ROR2: variants seen among roughly 807,000 people sequenced by gnomAD.
ROR2 encodes the protein ROR family WNT receptor 2, also known as tyrosine-protein kinase transmembrane receptor ROR2.
ROR2 carries 33 observed loss-of-function variants against 74.9 expected under a neutral mutation model. The observed-to-expected ratio is 0.44, with a 90% CI of 0.33 to 0.59. ROR2 has a LOEUF of 0.59. ROR2 is among the 20% of genes least tolerant of loss of function. The probability of loss-of-function intolerance (pLI) is 0.02; values close to 1 mark genes in which losing one functional copy is unlikely to be tolerated. For missense variants in ROR2, 1,216 were observed against 1,313.8 expected (o/e 0.93, Z 1.15); for synonymous variants, 586 against 558.7 (o/e 1.05, Z -0.69).
rs142528253 is a variant in ROR2, at chr9:91,753,156, C to A, written c.494+2915G>T. ...AATCTTTCAAGGAAATCATGACATT[C>A]TTTAACAAGACATAACATGAAAAAC... On this transcript the variant is annotated intron_variant, in intron 4 of 8. Transcript: ENST00000375708. 2.2e-3 allele frequency among the ~76,000 whole-genome samples: 341 copies of A among 152,212 alleles called. 1 individual carries two copies. The highest frequency in any genetic ancestry group is 7.4e-3 in the African/African-American group (309 of 41,540).
At chr9:91,923,067 A>G (rs1831313765) in intron 1 of ROR2, among the ~76,000 whole-genome samples, 1 of 152,160 alleles carries the variant, frequency 6.6e-6, no homozygotes, top group African/African-American at 2.4e-5. Context: ...GATGTCTGTT[A>G]CCTAAGTAGC....
chr9:91,731,077 G>A lies in ROR2; in HGVS notation c.1016C>T (p.Pro339Leu), dbSNP rs370013388. The change falls in exon 7 of 9, where the codon CCG (proline) becomes CTG (leucine). Residue 339 changes from proline to leucine, a missense_variant. Physicochemically the swap from Pro to Leu is moderately conservative, Grantham distance 98 (BLOSUM62 -3). Coordinates refer to ENST00000375708, the MANE Select transcript of ROR2 (RefSeq NM_004560.4). ...GCTGTGGGGGTGCTGCAGGGCCCACGGCTGGCACTGGTGGCCTGACTTGGT... is the reference window on the plus strand; with the variant it reads ...GCTGTGGGGGTGCTGCAGGGCCCACAGCTGGCACTGGTGGCCTGACTTGGT... ...STTKSGHQCQ[P>L]WALQHPHSHH... is the part of the protein sequence containing the mutation. The A allele has an allele frequency of 1.7e-5, 28 of 1,613,970 alleles. No individual in the cohort carries two copies. The highest frequency in any genetic ancestry group is 2.1e-5 in the Non-Finnish European group (25 of 1,180,038).
intron 5 of ROR2, 81 bp downstream of exon 5, chr9:91,737,310 T>C (rs1825062584): frequency 1.3e-6 from 2 of 1,581,504 alleles, no homozygotes; most frequent in South Asian, 1.1e-5. Context: ...CATTAACTGA[T>C]GAAACACAGT....
intron 2 of ROR2, among the ~76,000 whole-genome samples, chr9:91,763,564 C>A (rs1825977924): frequency 6.6e-6 from 1 of 152,214 alleles, no homozygotes; most frequent in Non-Finnish European, 1.5e-5. Flanking sequence ...TCCTCGTGAG[C>A]TTCCACATCC....
chr9:91,748,717 GA>G (rs1825508608), intron 4 of ROR2, among the ~76,000 whole-genome samples: 1 of 152,170 alleles, frequency 6.6e-6, no homozygotes, highest in African/African-American at 2.4e-5. Context: ...TCGTCATGGA[GA>G]AAATTATAAA....
intron 1 of ROR2, among the ~76,000 whole-genome samples, chr9:91,884,778 T>G (rs1484396316): frequency 6.6e-6 from 1 of 151,444 alleles, no homozygotes; most frequent in African/African-American, 2.4e-5. Flanking sequence ...TTTTTAGTCT[T>G]TTTTTTTTCT....
chr9:91,867,657 T>TGTGTGTGC lies in ROR2; in HGVS notation c.97+82209_97+82210insGCACACAC, dbSNP rs1009231832. On this transcript the variant is annotated intron_variant, in intron 1 of 8. Coordinates refer to ENST00000375708, the MANE Select transcript of ROR2 (RefSeq NM_004560.4). ...CAAGTTCCTGAGACCACCCATGAGCTGTGTGTGTGTGTGTGTGTGTGTGTG... is the reference window on the plus strand; with the variant it reads ...CAAGTTCCTGAGACCACCCATGAGCTGTGTGTGCGTGTGTGTGTGTGTGTGTGTGTGTG... 2.5e-4 allele frequency among the ~76,000 whole-genome samples: 4 copies of TGTGTGTGC among 15,936 alleles called. No individual in the cohort carries two copies. In the African/African-American group the frequency reaches 4.3e-3, roughly 17 times the overall value. 10.5% of individuals were successfully genotyped at this position (15,936 alleles called of 152,430 possible). A position where few individuals can be genotyped will look rare whatever the true frequency, so the allele number is the denominator to read the frequency against.
chr9:91,778,227 G>A (rs142926135), intron 1 of ROR2, among the ~76,000 whole-genome samples: 68 of 152,350 alleles, frequency 4.5e-4, no homozygotes, highest in Middle Eastern at 3.4e-3. Flanking sequence ...CACCACAACG[G>A]ATGTTGCAAT....
intron 1 of ROR2, among the ~76,000 whole-genome samples, chr9:91,886,109 A>G (rs1030039807): frequency 6.6e-6 from 1 of 152,024 alleles, no homozygotes; most frequent in South Asian, 2.1e-4. Context: ...TCCTGACCTC[A>G]ACTGATCCAC....
rs750442188 is a variant in ROR2, at chr9:91,723,925, G to A, written c.2569C>T (p.Pro857Ser). Residue 857 changes from proline (P) to serine (S), a missense_variant, in exon 9 of 9, where the codon CCC becomes TCC. Physicochemically the swap from Pro to Ser is moderately conservative, Grantham distance 74. Coordinates refer to ENST00000375708, the MANE Select transcript of ROR2 (RefSeq NM_004560.4). ...CCACTGTGGTGTGAGCTGGGCTTGG[G>A]GACCATCTGAGGAGGCACCTGCTGC... Reference protein sequence around the residue: ...APQQVPPQMVPKPSSHHSGSG... With the variant: ...APQQVPPQMVSKPSSHHSGSG... 1 of 1,613,814 alleles carries A rather than the reference G, an allele frequency of 6.2e-7. No homozygotes were observed. The highest frequency in any genetic ancestry group is 1.1e-5 in the South Asian group (1 of 91,078).
chr9:91,889,586 G>A (rs1755329816), intron 1 of ROR2, among the ~76,000 whole-genome samples: 3 of 152,242 alleles, frequency 2.0e-5, no homozygotes, highest in East Asian at 1.9e-4. Flanking sequence ...TACAGGGCGG[G>A]CCAGAAGACC....
chr9:91,778,023 T>C (rs576605678), intron 1 of ROR2, among the ~76,000 whole-genome samples: 2 of 152,164 alleles, frequency 1.3e-5, no homozygotes, highest in East Asian at 3.9e-4. Context: ...GACTGAAGTA[T>C]GAAAGGGAGG....
At chr9:91,739,971 GC>G (rs1193481144) in intron 4 of ROR2, among the ~76,000 whole-genome samples, 4 of 152,162 alleles carry the variant, frequency 2.6e-5, no homozygotes, top group African/African-American at 9.7e-5. Flanking sequence ...ATTAAGACAT[GC>G]CTGATCAGAT....
intron 2 of ROR2, among the ~76,000 whole-genome samples, chr9:91,760,531 G>T (rs1429004775): frequency 6.6e-6 from 1 of 152,050 alleles, no homozygotes; most frequent in Admixed American, 6.5e-5. Context: ...CTACTCGGGA[G>T]GCTGAGGCAG....
chr9:91,885,200 C>A (rs1251879008), intron 1 of ROR2, among the ~76,000 whole-genome samples: 1 of 152,164 alleles, frequency 6.6e-6, no homozygotes, highest in Admixed American at 6.5e-5. Flanking sequence ...AAACTCCTTT[C>A]CAAATGGCAG....
At chr9:91,887,616 C>T (rs1160659599) in intron 1 of ROR2, among the ~76,000 whole-genome samples, 2 of 152,100 alleles carry the variant, frequency 1.3e-5, no homozygotes, top group African/African-American at 4.8e-5. Flanking sequence ...TTTCCTTGCG[C>T]CCTTATCTGA....
chr9:91,879,007 A>C (rs1362102694), intron 1 of ROR2, among the ~76,000 whole-genome samples: 6 of 151,996 alleles, frequency 3.9e-5, no homozygotes, highest in African/African-American at 1.5e-4. Flanking sequence ...GCGCCACTGC[A>C]CTCCAGCCTG....
intron 1 of ROR2, among the ~76,000 whole-genome samples, chr9:91,835,979 T>C (rs574654903): frequency 9.2e-5 from 14 of 152,212 alleles, no homozygotes; most frequent in Non-Finnish European, 2.1e-4. Flanking sequence ...GAAAACAGCT[T>C]TCCCCAGCCG....
intron 4 of ROR2, among the ~76,000 whole-genome samples, chr9:91,746,773 T>A (rs1825433814): frequency 6.6e-6 from 1 of 152,188 alleles, no homozygotes; most frequent in Admixed American, 6.5e-5. Flanking sequence ...AACAGGGCCA[T>A]GGCCCCAGGA....
Sources: gnomAD v4.1 joint callset for allele counts (sites outside exome capture counted in the v4.1 genomes callset) on GRCh38, gnomAD v4.1.1 for gene constraint, MANE v1.5 for transcripts, NCBI Gene and HGNC (gene_info 2026-07-23, HGNC 2026-07-21) for gene names.